The following SLC31A1 variants were observed in gnomAD, a reference collection of about 807,000 sequenced individuals.
SLC31A1 encodes the protein solute carrier family 31 member 1, also known as high affinity copper uptake protein 1.
Under a neutral mutation model 17.2 loss-of-function variants are expected in SLC31A1, and 5 were observed. The observed-to-expected ratio is 0.29, with a 90% CI of 0.15 to 0.61. The LOEUF (loss-of-function observed/expected upper bound fraction) is 0.61. SLC31A1 is among the 20% of genes least tolerant of loss of function. SLC31A1 has a pLI of 0.86. For synonymous variants in SLC31A1, 76 were observed against 78.8 expected (o/e 0.96, Z 0.19); for missense variants, 161 against 241.4 (o/e 0.67, Z 2.21).
At position 113,221,585 on chromosome 9, in the gene SLC31A1, G is replaced by T. The variant is rs918377605; in HGVS notation, c.-129G>T. 7.0e-6 allele frequency: 3 copies of T among 428,632 alleles called. No individual in the cohort carries two copies. The highest frequency in any genetic ancestry group is 6.0e-5 in the African/African-American group (3 of 49,620). 26.6% of individuals were successfully genotyped at this position (428,632 alleles called of 1,614,324 possible). ...TGGCGGTGGTGGACACGTCGAGCCG[G>T]GTAGAAGTGGAGGGGCCGTTCGAAG... On this transcript the variant is annotated 5_prime_UTR_variant, in exon 1 of 5. Transcript: ENST00000374212.
At chr9:113,254,921 T>C (rs1831704250) in intron 1 of SLC31A1, among the ~76,000 whole-genome samples, 1 of 152,070 alleles carries the variant, frequency 6.6e-6, no homozygotes. Flanking sequence ...ATAAAAGGAA[T>C]TATTGCTCCT....
rs933011370 is a variant in SLC31A1, at chr9:113,264,450, A to G, written c.*3977A>G. The G allele has an allele frequency of 6.5e-6, 1 of 152,676 alleles. No homozygotes were observed. The highest frequency in any genetic ancestry group is 2.4e-5 in the African/African-American group (1 of 41,462). 9.5% of individuals were successfully genotyped at this position (152,676 alleles called of 1,614,324 possible). ...GTAGTAGGAATGTTTTAACAGTGTC[A>G]TATGAAAAAGAACAAAATAAATATT... On this transcript the variant is annotated 3_prime_UTR_variant, in exon 5 of 5. Transcript: ENST00000374212.
chr9:113,231,756 T>A (rs1228109246), intron 1 of SLC31A1, among the ~76,000 whole-genome samples: 1 of 152,248 alleles, frequency 6.6e-6, no homozygotes. Context: ...ATATGAACTC[T>A]AGCTTATTGG....
chr9:113,252,484 C>T (rs1225928169), intron 1 of SLC31A1, among the ~76,000 whole-genome samples: 5 of 152,160 alleles, frequency 3.3e-5, no homozygotes, highest in Admixed American at 6.6e-5. Flanking sequence ...TCAGTAGAGA[C>T]GGGGTTTTTA....
intron 1 of SLC31A1, among the ~76,000 whole-genome samples, chr9:113,224,405 G>A (rs1831318358): frequency 6.7e-6 from 1 of 150,122 alleles, no homozygotes; most frequent in Non-Finnish European, 1.5e-5. Flanking sequence ...CTAACAGCAA[G>A]TTTATGTGTT....
intron 1 of SLC31A1, among the ~76,000 whole-genome samples, chr9:113,224,887 GT>G (rs1831324003): frequency 2.0e-5 from 3 of 152,180 alleles, no homozygotes; most frequent in Admixed American, 1.3e-4. Context: ...AAGTTACTCA[GT>G]TTTTGCCTTT....
chr9:113,245,171 A>T (rs1452497109), intron 1 of SLC31A1, among the ~76,000 whole-genome samples: 4 of 152,192 alleles, frequency 2.6e-5, no homozygotes, highest in Non-Finnish European at 4.4e-5. Flanking sequence ...TATCAAAAGG[A>T]TTATATGGTT....
intron 1 of SLC31A1, among the ~76,000 whole-genome samples, chr9:113,238,886 A>G (rs975108049): frequency 6.6e-6 from 1 of 152,228 alleles, no homozygotes; most frequent in African/African-American, 2.4e-5. Context: ...GGTGTATAGT[A>G]TAGATTATGT....
chr9:113,225,203 G>A (rs1831327732), intron 1 of SLC31A1, among the ~76,000 whole-genome samples: 2 of 152,250 alleles, frequency 1.3e-5, no homozygotes, highest in African/African-American at 4.8e-5. Flanking sequence ...GCCTAATGGT[G>A]TGATGTCAGT....
chr9:113,260,609 A>ACACC lies in SLC31A1; in HGVS notation c.*138_*141dup. The ACACC allele has an allele frequency of 4.1e-6, 3 of 729,510 alleles. No individual in the cohort carries two copies. The highest frequency in any genetic ancestry group is 1.7e-5 in the African/African-American group (1 of 57,622). 45.2% of individuals were successfully genotyped at this position (729,510 alleles called of 1,614,324 possible). A position where few individuals can be genotyped will look rare whatever the true frequency, so the allele number is the denominator to read the frequency against. ...CACACACACACACACACACACACAC[A>ACACC]CACCCCTGCTCAACAGAGGTTTAGT... is the stretch of plus-strand genomic sequence containing the variant. On this transcript the variant is annotated 3_prime_UTR_variant, in exon 5 of 5. Transcript: ENST00000374212.
chr9:113,260,246 T>G, intron 4 of SLC31A1, 26 bp from the exon 5 acceptor site: 1 of 1,606,966 alleles, frequency 6.2e-7, no homozygotes, highest in Non-Finnish European at 8.5e-7. Context: ...GAGTCCCTGA[T>G]TGTTGTGTCC....
At chr9:113,256,507 G>T in intron 2 of SLC31A1, 39 of 409,914 alleles carry the variant, frequency 9.5e-5, no homozygotes, top group East Asian at 1.3e-4. Context: ...GGTCCCTTCT[G>T]AAATCGACTC....
At position 113,221,557 on chromosome 9, in the gene SLC31A1, CGGT is replaced by C; in HGVS notation, c.-154_-152del. 1 of 444,996 alleles carries C rather than the reference CGGT, an allele frequency of 2.2e-6. No individual in the cohort carries two copies. The highest frequency in any genetic ancestry group is 2.1e-5 in the South Asian group (1 of 47,922). The allele number at this position is 444,996 out of a possible 1,614,324, so 27.6% of individuals were successfully genotyped here. ...GGAGGGGGCGGGAAATCCTCGGCCT[CGGT>C]GGCGGTGGTGGACACGTCGAGCCGG... On this transcript the variant is annotated 5_prime_UTR_variant, in exon 1 of 5. Transcript: ENST00000374212.
rs1831779508 is a variant in SLC31A1 at position 113,260,486 on chromosome 9, T to C, written c.*13T>C. On this transcript the variant is annotated 3_prime_UTR_variant, in exon 5 of 5. Coordinates refer to ENST00000374212, the MANE Select transcript of SLC31A1 (RefSeq NM_001859.4). ...GCATTGCCATTGACATCAAACTCTA[T>C]GGCGTGGCCTTATCGATTGCAGTGG... 3 of 1,609,404 alleles carry C rather than the reference T, an allele frequency of 1.9e-6. No homozygotes were observed. Among genetic ancestry groups the C allele is most frequent in the Admixed American group, 1.7e-5 (1 of 59,980 alleles).
intron 1 of SLC31A1, among the ~76,000 whole-genome samples, chr9:113,233,510 A>G (rs1028471894): frequency 1.3e-5 from 2 of 152,230 alleles, no homozygotes; most frequent in African/African-American, 4.8e-5. Flanking sequence ...CCTGTATTTC[A>G]CAACTAGTCT....
Position 113,263,406 on chromosome 9 carries a change from A to G in SLC31A1, c.*2933A>G, listed in dbSNP as rs1186526837. ...GATTTCATTAACTTTTCATTTCTGT[A>G]TACCTGTTCATTTGGAATTTAATGC... On this transcript the variant is annotated 3_prime_UTR_variant, in exon 5 of 5. Transcript: ENST00000374212. 5.2e-5 allele frequency: 8 copies of G among 152,596 alleles called. No homozygotes were observed. 9.5% of individuals were successfully genotyped at this position (152,596 alleles called of 1,614,324 possible).
chr9:113,235,321 T>TTA (rs747696249), intron 1 of SLC31A1, among the ~76,000 whole-genome samples: 38 of 152,202 alleles, frequency 2.5e-4, no homozygotes, highest in Non-Finnish European at 4.7e-4. Context: ...CTGACTCTAA[T>TTA]AAGTGCTGAG....
At chr9:113,239,418 G>A (rs1587990583) in intron 1 of SLC31A1, among the ~76,000 whole-genome samples, 1 of 152,248 alleles carries the variant, frequency 6.6e-6, no homozygotes, top group Non-Finnish European at 1.5e-5. Flanking sequence ...CTGGATCCTG[G>A]AAAATTAAAC....
chr9:113,248,373 G>C (rs1209185016), intron 1 of SLC31A1, among the ~76,000 whole-genome samples: 1 of 149,816 alleles, frequency 6.7e-6, no homozygotes, highest in African/African-American at 2.5e-5. Context: ...CTAGAAGGAA[G>C]AGCTCTTATG....
Sources: allele counts gnomAD v4.1 joint callset (sites outside exome capture counted in the v4.1 genomes callset), GRCh38; gene constraint gnomAD v4.1.1; transcripts MANE v1.5; gene names NCBI Gene and HGNC (gene_info 2026-07-23, HGNC 2026-07-21).